The following KCNC4 variants were observed in gnomAD, a reference collection of about 807,000 sequenced individuals.
KCNC4 encodes the protein voltage-gated potassium channel KCNC4.
KCNC4 carries 23 observed loss-of-function variants against 42.8 expected under a neutral mutation model. The ratio of observed to expected loss-of-function variants is 0.54; its 90% CI spans 0.39 to 0.76. The LOEUF (loss-of-function observed/expected upper bound fraction) is 0.76, where lower values mean the gene tolerates loss of function less well. Among genes scored for constraint, KCNC4 ranks in the 30% least tolerant of loss-of-function variants. KCNC4 has a pLI of 0.00. For missense variants in KCNC4, 751 were observed against 898.2 expected, an observed-to-expected ratio of 0.84 and a Z score of 2.10; for synonymous variants, 422 against 393.5, an observed-to-expected ratio of 1.07 and a Z score of -0.86.
intron 1 of KCNC4, among the ~76,000 whole-genome samples, chr1:110,279,902 G>A (rs904200718): frequency 1.4e-5 from 2 of 147,214 alleles, no homozygotes; most frequent in African/African-American, 5.1e-5. Context: ...GGATTCAAGC[G>A]ATTCTCCTGC....
chr1:110,253,804 G>T (rs571857937), downstream of KCNC4, among the ~76,000 whole-genome samples: 31 of 152,328 alleles, frequency 2.0e-4, 1 homozygote, highest in South Asian at 5.4e-3. Context: ...TCAGAGGGCA[G>T]GGGTGGTGAA....
At chr1:110,219,453 T>G (rs542799477) in intron 1 of KCNC4, among the ~76,000 whole-genome samples, 58 of 152,262 alleles carry the variant, frequency 3.8e-4, no homozygotes, top group African/African-American at 1.3e-3. Flanking sequence ...AGGGCCAGGA[T>G]GAGGAATCCC....
At chr1:110,268,601 G>A (rs1446438253) in intron 1 of KCNC4, among the ~76,000 whole-genome samples, 2 of 92,436 alleles carry the variant, frequency 2.2e-5, no homozygotes, top group Non-Finnish European at 3.8e-5. Flanking sequence ...GCAAGAGACT[G>A]TCTCAAAAGA....
In KCNC4 at chr1:110,211,571, T is replaced by C. The variant is rs779660366; in HGVS notation, c.72T>C (p.Cys24=). 6.2e-7 allele frequency: 1 copy of C among 1,614,052 alleles called. No homozygotes were observed. The highest frequency in any genetic ancestry group is 8.5e-7 in the Non-Finnish European group (1 of 1,179,972). ...KSGNKPPSKT[C]LKEEMAKGEA... ...GGAACAAGCCTCCGTCCAAAACATGTCTGAAGGAGGAGATGGCCAAGGGCG... is the reference window on the plus strand; with the variant it reads ...GGAACAAGCCTCCGTCCAAAACATGCCTGAAGGAGGAGATGGCCAAGGGCG... The change falls in exon 1 of 4, where the codon TGT becomes TGC. Residue 24 remains cysteine (C), a synonymous_variant. Transcript: ENST00000438661. This position sits in a 1 kb window ranked among gnomAD's most constrained non-coding sequence, Gnocchi z 6.5.
At chr1:110,269,404 C>G (rs1433319068) in intron 1 of KCNC4, among the ~76,000 whole-genome samples, 1 of 152,146 alleles carries the variant, frequency 6.6e-6, no homozygotes, top group Non-Finnish European at 1.5e-5. Flanking sequence ...TCTGGTTTCG[C>G]CTTTCCCAGA....
exon 4 of KCNC4, chr1:110,247,699 T>G (rs1012302014): frequency 2.0e-5 from 3 of 151,940 alleles, no homozygotes; most frequent in African/African-American, 7.3e-5. Context: ...GGACTACAGG[T>G]GCGTGCCACC....
chr1:110,212,542 C>T (rs1657543522), intron 1 of KCNC4, among the ~76,000 whole-genome samples: 1 of 152,102 alleles, frequency 6.6e-6, no homozygotes. Context: ...GGACTACGGT[C>T]CTGGAAGAGC....
At chr1:110,243,907 G>A (rs1659086257) in exon 4 of KCNC4, 1 of 152,288 alleles carries the variant, frequency 6.6e-6, no homozygotes, top group Admixed American at 6.5e-5. Context: ...TCACTCTGGA[G>A]GCAGGTCAGA....
intron 2 of KCNC4, 126 bp from the exon 3 acceptor site, chr1:110,225,849 C>A: frequency 1.1e-6 from 1 of 873,502 alleles, no homozygotes; most frequent in Non-Finnish European, 1.8e-6. Context: ...TGCTGCCTCT[C>A]AGGTAGATGC....
chr1:110,284,070 A>G (rs1193482547), downstream of KCNC4, among the ~76,000 whole-genome samples: 1 of 152,258 alleles, frequency 6.6e-6, no homozygotes, highest in Non-Finnish European at 1.5e-5. Flanking sequence ...GTCAAGTGTT[A>G]TATCTTGATC....
At chr1:110,235,998 C>A (rs142710228), downstream of KCNC4, 2 of 152,110 alleles carry the variant, frequency 1.3e-5, no homozygotes, top group Admixed American at 6.5e-5. Context: ...TAAAGCCTCG[C>A]GCACAGTGCC....
intron 1 of KCNC4, among the ~76,000 whole-genome samples, chr1:110,258,028 G>C (rs888006425): frequency 4.6e-5 from 7 of 152,206 alleles, no homozygotes; most frequent in African/African-American, 1.7e-4. Flanking sequence ...GCACTTGCCA[G>C]TAAGGGAGGT....
Position 110,223,229 on chromosome 1 carries a change from A to G in KCNC4, c.944A>G (p.Asn315Ser). 1 of 1,614,208 alleles carries G rather than the reference A, an allele frequency of 6.2e-7. No individual in the cohort carries two copies. Among genetic ancestry groups the G allele is most frequent in the Non-Finnish European group, 8.5e-7 (1 of 1,180,024 alleles). Residue 315 changes from asparagine (N) to serine (S), a missense_variant, in exon 2 of 4, where the codon AAC becomes AGC. By Grantham distance (46) the Asn-to-Ser change is conservative (BLOSUM62 1). Around this residue, in one of 4 missense-constraint regions of KCNC4, gnomAD observed 185 missense variants for 293.7 expected, o/e 0.63. Coordinates refer to ENST00000438661, the MANE Select transcript of KCNC4 (RefSeq NM_001039574.3). The surrounding 1 kb of genome is among the most constrained non-coding windows in gnomAD (Gnocchi z 7.5). The stretch of plus-strand genomic sequence containing the variant: ...CTGGACTTCGTCAAGAACCTGCTCA[A>G]CATCATCGACTTTGTGGCCATCCTG... ...DTLDFVKNLL[N>S]IIDFVAILPF...
chr1:110,249,773 T>G (rs76185009), downstream of KCNC4, among the ~76,000 whole-genome samples: 122 of 152,350 alleles, frequency 8.0e-4, 2 homozygotes, highest in East Asian at 0.019. Flanking sequence ...ATTTATTATT[T>G]TAACCATTTT....
At chr1:110,246,327 G>C (rs772537275) in exon 4 of KCNC4, 2 of 152,224 alleles carry the variant, frequency 1.3e-5, no homozygotes, top group Non-Finnish European at 2.9e-5. Context: ...TTGGGGTCCA[G>C]AAAACATTTT....
chr1:110,252,496 T>C (rs1319610770), downstream of KCNC4, among the ~76,000 whole-genome samples: 1 of 152,146 alleles, frequency 6.6e-6, no homozygotes, highest in African/African-American at 2.4e-5. Flanking sequence ...TCCCACTGGC[T>C]GTCTTGAGCA....
downstream of KCNC4, chr1:110,238,181 G>A (rs1344734915): frequency 1.3e-5 from 2 of 152,172 alleles, no homozygotes; most frequent in African/African-American, 4.8e-5. Flanking sequence ...TTCCCCACAG[G>A]TTATGGGGGC....
chr1:110,283,523 G>A (rs1659863632), downstream of KCNC4, among the ~76,000 whole-genome samples: 1 of 152,236 alleles, frequency 6.6e-6, no homozygotes, highest in Non-Finnish European at 1.5e-5. Flanking sequence ...CTCAGTGGAA[G>A]TGGAGACACA....
At position 110,211,828 on chromosome 1, in the gene KCNC4, AC is replaced by A; in HGVS notation, c.331del (p.Arg111AlafsTer36). The A allele has an allele frequency of 1.9e-6, 3 of 1,611,354 alleles. No individual in the cohort carries two copies. Among genetic ancestry groups the A allele is most frequent in the Non-Finnish European group, 2.5e-6 (3 of 1,179,772 alleles). On this transcript the variant is annotated frameshift_variant, in exon 1 of 4. Transcript: ENST00000438661. LOFTEE classifies it high-confidence loss of function. This position sits in a 1 kb window ranked among gnomAD's most constrained non-coding sequence, Gnocchi z 6.5. ...GTCTTCGCCTACGTGCTCAACTACT[AC>A]CGCACCGGCAAGCTGCACTGCCCCG... ...PGVFAYVLNY[Y>X]RTGKLHCPAD...
Sources: allele counts gnomAD v4.1 joint callset (sites outside exome capture counted in the v4.1 genomes callset), GRCh38; gene constraint gnomAD v4.1.1; regional missense constraint gnomAD v4.1.1; non-coding constraint Gnocchi (gnomAD v3.1); transcripts MANE v1.5; gene names NCBI Gene and HGNC (gene_info 2026-07-23, HGNC 2026-07-21).